WASF2: variants seen among roughly 807,000 people sequenced by gnomAD.
The protein encoded by WASF2 is WASP family member 2, also known as actin-binding protein WASF2.
In WASF2, 14 loss-of-function variants were observed where a neutral mutation model predicts 45.0. That is an observed-to-expected ratio of 0.31 (90% confidence interval 0.21 to 0.49). WASF2 has a LOEUF of 0.49. WASF2 is among the 20% of genes least tolerant of loss of function. WASF2 has a pLI of 0.99. For missense variants in WASF2, 439 were observed against 636.1 expected, an observed-to-expected ratio of 0.69 and a Z score of 3.33; for synonymous variants, 200 against 236.3, an observed-to-expected ratio of 0.85 and a Z score of 1.41.
intron 1 of WASF2, among the ~76,000 whole-genome samples, chr1:27,448,107 C>T (rs1256270890): frequency 6.6e-6 from 1 of 152,210 alleles, no homozygotes; most frequent in Non-Finnish European, 1.5e-5. Flanking sequence ...GACCTCTTGG[C>T]AGCAAATGTA....
chr1:27,431,558 C>T (rs2148113357), intron 1 of WASF2, among the ~76,000 whole-genome samples: 1 of 152,310 alleles, frequency 6.6e-6, no homozygotes, highest in Middle Eastern at 3.4e-3. Context: ...CACTGGTAAT[C>T]ATTTGAGTAC....
At chr1:27,424,040 G>T (rs1038034321) in intron 2 of WASF2, among the ~76,000 whole-genome samples, 3 of 152,218 alleles carry the variant, frequency 2.0e-5, no homozygotes, top group African/African-American at 7.2e-5. Flanking sequence ...CCGAATATGC[G>T]AAATGCCAAT....
At chr1:27,488,978 G>C (rs531288433) in intron 1 of WASF2, among the ~76,000 whole-genome samples, 7 of 152,168 alleles carry the variant, frequency 4.6e-5, no homozygotes, top group Admixed American at 1.3e-4. Flanking sequence ...CACCTAGTAG[G>C]GCTGCCATAA....
intron 2 of WASF2, among the ~76,000 whole-genome samples, chr1:27,422,966 C>T (rs909360033): frequency 3.3e-5 from 5 of 151,952 alleles, no homozygotes; most frequent in African/African-American, 4.8e-5. Context: ...TGGTGAAACC[C>T]TGTCTCTACT....
chr1:27,472,432 A>G (rs2017702398), intron 1 of WASF2, among the ~76,000 whole-genome samples: 1 of 151,538 alleles, frequency 6.6e-6, no homozygotes, highest in Non-Finnish European at 1.5e-5. Flanking sequence ...TCAGGAGTTC[A>G]GGACCAGCCT....
At chr1:27,438,402 C>T (rs977923430) in intron 1 of WASF2, among the ~76,000 whole-genome samples, 6 of 152,224 alleles carry the variant, frequency 3.9e-5, no homozygotes, top group African/African-American at 9.6e-5. Context: ...CTGAACTGCA[C>T]ATCAGGCACT....
intron 1 of WASF2, among the ~76,000 whole-genome samples, chr1:27,487,328 C>A (rs1259263965): frequency 7.0e-6 from 1 of 142,184 alleles, no homozygotes; most frequent in Non-Finnish European, 1.5e-5. Flanking sequence ...CTCGATCTCC[C>A]GACCTCGTGA....
At chr1:27,417,809 A>C (rs1172114769) in intron 4 of WASF2, among the ~76,000 whole-genome samples, 1 of 152,232 alleles carries the variant, frequency 6.6e-6, no homozygotes, top group East Asian at 1.9e-4. Flanking sequence ...TTGGGCCCAG[A>C]GCAGCCAGGC....
rs534043009 is a variant in WASF2, at chr1:27,450,594, G to A, written c.-43-21661C>T. Among the ~76,000 whole-genome samples the A allele has an allele frequency of 3.3e-5, 5 of 152,120 alleles. No individual in the cohort carries two copies. In the East Asian group the frequency reaches 5.8e-4, roughly 18 times the overall value. On this transcript the variant is annotated intron_variant, in intron 1 of 8. Transcript: ENST00000618852. ...CAGCTCATCACAACCTCTGCCTCCC[G>A]GGTTCAAGCGATTCTTCTGCCTCAG...
intron 1 of WASF2, among the ~76,000 whole-genome samples, chr1:27,456,597 C>A (rs1182196658): frequency 6.6e-6 from 1 of 151,956 alleles, no homozygotes; most frequent in Admixed American, 6.6e-5. Flanking sequence ...TGAAAGTGAT[C>A]AAATTTAACT....
At chr1:27,423,180 A>G (rs2016932379) in intron 2 of WASF2, among the ~76,000 whole-genome samples, 1 of 151,220 alleles carries the variant, frequency 6.6e-6, no homozygotes, top group African/African-American at 2.4e-5. Flanking sequence ...TAAATACCCT[A>G]AGTTTTTGAT....
intron 1 of WASF2, among the ~76,000 whole-genome samples, chr1:27,434,510 T>C (rs1354339075): frequency 6.6e-6 from 1 of 152,112 alleles, no homozygotes; most frequent in Non-Finnish European, 1.5e-5. Context: ...GAGGGGCAGA[T>C]TATAGCCATG....
At chr1:27,428,988 G>C in intron 1 of WASF2, 55 bp from the exon 2 acceptor site, 2 of 1,398,434 alleles carry the variant, frequency 1.4e-6, no homozygotes, top group Middle Eastern at 2.6e-4. Context: ...AGGCACACTA[G>C]GGCTGTGTGA....
At chr1:27,470,898 AC>A (rs751230508) in intron 1 of WASF2, among the ~76,000 whole-genome samples, 1 of 152,200 alleles carries the variant, frequency 6.6e-6, no homozygotes, top group Non-Finnish European at 1.5e-5. Flanking sequence ...GTACAATCTG[AC>A]CACAGGTTCT....
intron 1 of WASF2, among the ~76,000 whole-genome samples, chr1:27,473,179 CAT>C (rs2017716000): frequency 6.6e-6 from 1 of 151,696 alleles, no homozygotes; most frequent in African/African-American, 2.4e-5. Context: ...TTTAAATAGA[CAT>C]ATAAATAGCC....
At chr1:27,426,890 G>A (rs575765997) in intron 2 of WASF2, among the ~76,000 whole-genome samples, 2 of 152,220 alleles carry the variant, frequency 1.3e-5, no homozygotes, top group South Asian at 4.1e-4. Context: ...GGATTACTGA[G>A]AAGATTAAAT....
At chr1:27,437,445 T>C (rs952530476) in intron 1 of WASF2, among the ~76,000 whole-genome samples, 10 of 152,190 alleles carry the variant, frequency 6.6e-5, no homozygotes, top group African/African-American at 2.2e-4. Flanking sequence ...AGATGCTATA[T>C]GAAACAGAGA....
At chr1:27,418,841 T>C (rs1463161831) in intron 3 of WASF2, 113 bp downstream of exon 3, 19 of 1,323,090 alleles carry the variant, frequency 1.4e-5, no homozygotes, top group South Asian at 7.6e-5. Context: ...CAGAACTCTA[T>C]AGGTCTCTGT....
At chr1:27,434,146 T>G (rs2017101162) in intron 1 of WASF2, among the ~76,000 whole-genome samples, 1 of 152,222 alleles carries the variant, frequency 6.6e-6, no homozygotes, top group Non-Finnish European at 1.5e-5. Context: ...ATTAGAATTG[T>G]CCGATAGTAG....
Sources: gnomAD v4.1 joint callset for allele counts (sites outside exome capture counted in the v4.1 genomes callset) on GRCh38, gnomAD v4.1.1 for gene constraint, MANE v1.5 for transcripts, NCBI Gene and HGNC (gene_info 2026-07-23, HGNC 2026-07-21) for gene names.